TCF20: variants seen among roughly 807,000 people sequenced by gnomAD.
TCF20 encodes the protein SPRE-binding protein.
In TCF20, 3 loss-of-function variants were observed where a neutral mutation model predicts 148.6. That is an observed-to-expected ratio of 0.02 (90% confidence interval 0.01 to 0.05). The LOEUF (loss-of-function observed/expected upper bound fraction) is 0.05, where lower values mean the gene tolerates loss of function less well. Among genes scored for constraint, TCF20 ranks in the 10% least tolerant of loss-of-function variants. The probability of loss-of-function intolerance (pLI) is 1.00; values close to 1 mark genes in which losing one functional copy is unlikely to be tolerated. For synonymous variants in TCF20, 1,049 were observed against 909.5 expected (o/e 1.15, Z -2.76); for missense variants, 2,350 against 2,429.3 (o/e 0.97, Z 0.69).
At chr22:42,189,643 CT>C (rs781650982) in intron 2 of TCF20, among the ~76,000 whole-genome samples, 19 of 152,166 alleles carry the variant, frequency 1.2e-4, no homozygotes, top group Non-Finnish European at 1.5e-4. Flanking sequence ...AGAGACTAGG[CT>C]TTATCAAAGT....
At chr22:42,258,187 C>T (rs1039072036) in intron 1 of TCF20, among the ~76,000 whole-genome samples, 3 of 152,128 alleles carry the variant, frequency 2.0e-5, no homozygotes, top group Non-Finnish European at 4.4e-5. Context: ...TTACTGTTTC[C>T]TTAGTCAGCT....
At chr22:42,243,188 G>A (rs1231327566) in intron 1 of TCF20, among the ~76,000 whole-genome samples, 2 of 148,086 alleles carry the variant, frequency 1.4e-5, no homozygotes, top group Non-Finnish European at 3.0e-5. Flanking sequence ...ACTCAAGTCA[G>A]TTGCTGTGGC....
At chr22:42,264,741 C>T (rs1029382453) in intron 1 of TCF20, among the ~76,000 whole-genome samples, 12 of 152,224 alleles carry the variant, frequency 7.9e-5, no homozygotes, top group African/African-American at 2.9e-4. Flanking sequence ...CTATTATCAT[C>T]ACCTGACATT....
At chr22:42,314,233 C>T (rs1927589222) in intron 1 of TCF20, among the ~76,000 whole-genome samples, 1 of 152,264 alleles carries the variant, frequency 6.6e-6, no homozygotes, top group African/African-American at 2.4e-5. Context: ...ATGTCTGGAA[C>T]TGGCCAGAAT....
At chr22:42,217,903 C>T (rs778547861) in intron 1 of TCF20, among the ~76,000 whole-genome samples, 15 of 152,344 alleles carry the variant, frequency 9.8e-5, no homozygotes, top group Middle Eastern at 6.8e-3. Context: ...AAGTCTAAAA[C>T]AGCTAGACAA....
At chr22:42,230,687 G>A (rs1436034760) in intron 1 of TCF20, among the ~76,000 whole-genome samples, 2 of 151,826 alleles carry the variant, frequency 1.3e-5, no homozygotes, top group African/African-American at 2.4e-5. Context: ...TGTTATCATA[G>A]GAGATGATAG....
intron 1 of TCF20, among the ~76,000 whole-genome samples, chr22:42,258,209 G>T (rs1925844370): frequency 6.6e-6 from 1 of 151,970 alleles, no homozygotes; most frequent in Non-Finnish European, 1.5e-5. Flanking sequence ...TATCCGCTTG[G>T]CAGGAAGTTT....
intron 2 of TCF20, among the ~76,000 whole-genome samples, chr22:42,186,834 T>A (rs1937070061): frequency 6.6e-6 from 1 of 152,228 alleles, no homozygotes; most frequent in South Asian, 2.1e-4. Context: ...CAAGAAAAGA[T>A]GTTAAATAAA....
chr22:42,298,861 C>T (rs1393373355), intron 1 of TCF20, among the ~76,000 whole-genome samples: 1 of 152,226 alleles, frequency 6.6e-6, no homozygotes, highest in Non-Finnish European at 1.5e-5. Context: ...CCAGGACAGT[C>T]CAGAACCAGC....
At chr22:42,326,301 G>A (rs1927874713) in intron 1 of TCF20, among the ~76,000 whole-genome samples, 1 of 152,100 alleles carries the variant, frequency 6.6e-6, no homozygotes, top group Admixed American at 6.5e-5. Flanking sequence ...CCCCCCACAG[G>A]AGTTGTTATT....
chr22:42,293,569 G>A (rs1927171524), intron 1 of TCF20, among the ~76,000 whole-genome samples: 1 of 152,226 alleles, frequency 6.6e-6, no homozygotes, highest in Non-Finnish European at 1.5e-5. Context: ...GCCTGACTCT[G>A]TAAGGGGGTA....
intron 2 of TCF20, among the ~76,000 whole-genome samples, chr22:42,200,641 CAAAAAAAAA>C (rs34605295): frequency 1.1e-4 from 11 of 96,472 alleles, no homozygotes; most frequent in Middle Eastern, 5.4e-3. Flanking sequence ...GACTTCGTCT[CAAAAAAAAA>C]AAAAAAAAAA....
At chr22:42,218,141 TCA>T (rs1286008698) in intron 1 of TCF20, among the ~76,000 whole-genome samples, 1 of 152,178 alleles carries the variant, frequency 6.6e-6, no homozygotes, top group Non-Finnish European at 1.5e-5. Flanking sequence ...CATTTAATCC[TCA>T]CAACACTAGC....
At chr22:42,294,172 G>A (rs189133433) in intron 1 of TCF20, among the ~76,000 whole-genome samples, 24 of 152,064 alleles carry the variant, frequency 1.6e-4, no homozygotes, top group African/African-American at 4.1e-4. Flanking sequence ...ACACACACCC[G>A]CCAGCCCGCT....
rs1330070446 is a variant in TCF20, at chr22:42,270,418, T to G, written c.-116A>C. ...GAGCGGTGGCGACGGCGGGCGGCGC[T>G]GCGCGGGGTGGGGGTGGGGGTGGCT... On this transcript the variant is annotated 5_prime_UTR_variant, in exon 1 of 6. Transcript: ENST00000677622. Among the ~76,000 whole-genome samples, 3 of 135,138 alleles carry G rather than the reference T, an allele frequency of 2.2e-5. No individual in the cohort carries two copies. The highest frequency in any genetic ancestry group is 4.8e-5 in the Non-Finnish European group (3 of 62,536). The allele number at this position is 135,138 out of a possible 152,430, so 88.7% of individuals were successfully genotyped here. A position where few individuals can be genotyped will look rare whatever the true frequency, so the allele number is the denominator to read the frequency against.
rs1053971693 is a variant in TCF20 at position 42,293,784 on chromosome 22, G to A, written c.-37+49695C>T. Among the ~76,000 whole-genome samples, 48 of 152,306 alleles carry A rather than the reference G, an allele frequency of 3.2e-4. 2 individuals carry two copies. Among genetic ancestry groups the A allele is most frequent in the South Asian group, 2.1e-4 (1 of 4,834 alleles). On this transcript the variant is annotated intron_variant, in intron 1 of 1. Transcript: ENST00000515426. ...TGGGAGGCCAAGGCGGGCAGATCAC[G>A]AGGTCAGGAGTTTGAGACCAGCCCG...
chr22:42,243,268 G>A (rs992759117), intron 1 of TCF20, among the ~76,000 whole-genome samples: 1 of 129,748 alleles, frequency 7.7e-6, no homozygotes, highest in African/African-American at 3.2e-5. Flanking sequence ...CCACTGCACT[G>A]GCTGGCAGAG....
At position 42,296,980 on chromosome 22, in the gene TCF20, A is replaced by G. The variant is rs73433534; in HGVS notation, c.-37+46499T>C. Among the ~76,000 whole-genome samples, 773 of 152,296 alleles carry G rather than the reference A, an allele frequency of 5.1e-3. 6 individuals carry two copies. Among genetic ancestry groups the G allele is most frequent in the African/African-American group, 0.017 (717 of 41,562 alleles). ...GCACTCCGGCACTGACATCTCTCCA[A>G]AGGAAGGTGCTATAGTTAAACCCAC... On this transcript the variant is annotated intron_variant, in intron 1 of 1. Coordinates refer to the TCF20 transcript ENST00000515426.
chr22:42,218,207 A>G (rs1198323001), intron 1 of TCF20, among the ~76,000 whole-genome samples: 1 of 152,242 alleles, frequency 6.6e-6, no homozygotes, highest in African/African-American at 2.4e-5. Flanking sequence ...GCTCCTAGGC[A>G]GCAGGGCTGG....
Sources: allele counts gnomAD v4.1 joint callset (sites outside exome capture counted in the v4.1 genomes callset), GRCh38; gene constraint gnomAD v4.1.1; transcripts MANE v1.5; gene names NCBI Gene and HGNC (gene_info 2026-07-23, HGNC 2026-07-21).